HS6ST2: variants seen among roughly 807,000 people sequenced by gnomAD.
The protein encoded by HS6ST2 is heparan sulfate 6-O-sulfotransferase 2, also known as heparan-sulfate 6-O-sulfotransferase 2.
In HS6ST2, 17 loss-of-function variants were observed where a neutral mutation model predicts 33.0. The observed-to-expected ratio is 0.52, with a 90% CI of 0.35 to 0.77. The LOEUF is 0.77. HS6ST2 is among the 30% of genes least tolerant of loss of function. HS6ST2 has a pLI of 0.01. For synonymous variants in HS6ST2, 248 were observed against 237.1 expected (o/e 1.05, Z -0.42); for missense variants, 519 against 551.7 (o/e 0.94, Z 0.59).
chrX:132,653,857 C>T (rs1315789675), intron 4 of HS6ST2, among the ~76,000 whole-genome samples: 2 of 111,589 alleles, frequency 1.8e-5, no homozygotes, highest in Admixed American at 1.9e-4. Context: ...TTTCAACAGA[C>T]ACTGCAGCAG....
rs762100928 is a variant in HS6ST2 at position 132,956,174 on chromosome X, G to GATAAAAGTTTTATCACCAGA, written c.947+633_947+634insTCTGGTGATAAAACTTTTAT. On this transcript the variant is annotated intron_variant, in intron 2 of 4. Coordinates refer to ENST00000370833, the MANE Select transcript of HS6ST2 (RefSeq NM_001394073.1). ...GAAGACCAGAGCCAGAGCGGGGAAG[G>GATAAAAGTTTTATCACCAGA]AGCGAGGTGATAAAAGTCCGGCAAG... is the stretch of plus-strand genomic sequence containing the variant. 1.7e-3 allele frequency among the ~76,000 whole-genome samples: 192 copies of GATAAAAGTTTTATCACCAGA among 111,962 alleles called. 2 individuals carry two copies. Among genetic ancestry groups the GATAAAAGTTTTATCACCAGA allele is most frequent in the African/African-American group, 5.9e-3 (181 of 30,798 alleles).
chrX:132,675,140 C>T (rs960351376), intron 3 of HS6ST2, among the ~76,000 whole-genome samples: 1 of 110,857 alleles, frequency 9.0e-6, no homozygotes, highest in Non-Finnish European at 1.9e-5. Flanking sequence ...ATGACGGATT[C>T]AGTTTGGGGC....
At chrX:132,830,875 C>T (rs929493661) in intron 2 of HS6ST2, among the ~76,000 whole-genome samples, 4 of 111,647 alleles carry the variant, frequency 3.6e-5, no homozygotes, top group African/African-American at 1.3e-4. Context: ...GCAGGAATTC[C>T]CAGTGCCTTT....
At chrX:132,902,199 T>G (rs771268372) in intron 2 of HS6ST2, among the ~76,000 whole-genome samples, 602 of 108,948 alleles carry the variant, frequency 5.5e-3, no homozygotes, top group Middle Eastern at 0.019. Context: ...CCTCCTGGGC[T>G]CAAGCAATCC....
At chrX:132,678,744 T>C (rs147211009) in intron 3 of HS6ST2, among the ~76,000 whole-genome samples, 1,348 of 112,465 alleles carry the variant, frequency 0.012, 22 homozygotes, top group African/African-American at 0.04. Context: ...ATTTGGAAAA[T>C]TGAGCATTAT....
At chrX:132,745,988 C>T (rs915309544) in intron 2 of HS6ST2, among the ~76,000 whole-genome samples, 5 of 111,827 alleles carry the variant, frequency 4.5e-5, no homozygotes, top group East Asian at 2.8e-4. Context: ...TGACAGACAA[C>T]GCTTCCTACA....
At chrX:132,722,397 A>G (rs1026212929) in intron 2 of HS6ST2, among the ~76,000 whole-genome samples, 7 of 111,619 alleles carry the variant, frequency 6.3e-5, no homozygotes, top group African/African-American at 2.3e-4. Flanking sequence ...GGGGTTTTTA[A>G]GGACAGTTAA....
intron 2 of HS6ST2, among the ~76,000 whole-genome samples, chrX:132,785,260 T>C (rs2065051271): frequency 8.9e-6 from 1 of 112,073 alleles, no homozygotes; most frequent in South Asian, 3.8e-4. Context: ...GCTTTCAACA[T>C]ACCCCCAGAG....
At chrX:132,863,989 C>A (rs2065941035) in intron 2 of HS6ST2, among the ~76,000 whole-genome samples, 1 of 111,355 alleles carries the variant, frequency 9.0e-6, no homozygotes, top group Non-Finnish European at 1.9e-5. Context: ...CAAACTCCAG[C>A]AGGCCTGCAG....
At chrX:132,672,545 C>T (rs1196774502) in intron 3 of HS6ST2, among the ~76,000 whole-genome samples, 1 of 111,364 alleles carries the variant, frequency 9.0e-6, no homozygotes, top group East Asian at 2.8e-4. Flanking sequence ...AGCTGCTTTC[C>T]TCTCTCTAGT....
chrX:132,664,506 A>G lies in HS6ST2; in HGVS notation c.1067+4607T>C, dbSNP rs751864633. On this transcript the variant is annotated intron_variant, in intron 4 of 4. Coordinates refer to ENST00000370833, the MANE Select transcript of HS6ST2 (RefSeq NM_001394073.1). ...GGTTAGAGCCGGTCTTACCAGAGTCAGCTCCAAGTAGATTTGTGGAGTAAG... is the reference window on the plus strand; with the variant it reads ...GGTTAGAGCCGGTCTTACCAGAGTCGGCTCCAAGTAGATTTGTGGAGTAAG... 1.0e-3 allele frequency among the ~76,000 whole-genome samples: 115 copies of G among 112,058 alleles called. 1 individual carries two copies. The highest frequency in any genetic ancestry group is 2.0e-3 in the Non-Finnish European group (105 of 53,211).
intron 3 of HS6ST2, among the ~76,000 whole-genome samples, chrX:132,676,606 T>C (rs891187326): frequency 1.8e-5 from 2 of 112,264 alleles, no homozygotes; most frequent in African/African-American, 6.5e-5. Context: ...AGTGGGCTCA[T>C]AGACTTAATC....
intron 2 of HS6ST2, among the ~76,000 whole-genome samples, chrX:132,878,029 G>A (rs1309682063): frequency 3.6e-5 from 4 of 111,438 alleles, no homozygotes; most frequent in South Asian, 3.8e-4. Context: ...AAACCTCCTC[G>A]GGCAAGATGT....
intron 3 of HS6ST2, among the ~76,000 whole-genome samples, chrX:132,674,232 C>T (rs1569479812): frequency 9.0e-6 from 1 of 111,697 alleles, no homozygotes; most frequent in Non-Finnish European, 1.9e-5. Flanking sequence ...ATTTTTATTG[C>T]TATGAAGCCC....
At chrX:132,830,253 C>A (rs1178851475) in intron 2 of HS6ST2, among the ~76,000 whole-genome samples, 2 of 111,848 alleles carry the variant, frequency 1.8e-5, no homozygotes, top group Non-Finnish European at 3.8e-5. Flanking sequence ...TTCCAGAGTG[C>A]TTTTACATAC....
chrX:132,672,958 T>C (rs2148209865), intron 3 of HS6ST2, among the ~76,000 whole-genome samples: 1 of 112,004 alleles, frequency 8.9e-6, no homozygotes, highest in South Asian at 3.8e-4. Context: ...ACTCACTTTT[T>C]TGATGGGTGG....
chrX:132,926,602 T>C (rs758830236), intron 2 of HS6ST2, among the ~76,000 whole-genome samples: 4 of 112,244 alleles, frequency 3.6e-5, no homozygotes, highest in Admixed American at 9.4e-5. Flanking sequence ...TTATTTTAAG[T>C]GAGATAAATG....
chrX:132,749,942 G>A (rs1199526875), intron 2 of HS6ST2, among the ~76,000 whole-genome samples: 2 of 111,454 alleles, frequency 1.8e-5, no homozygotes, highest in African/African-American at 6.5e-5. Context: ...CAATAGGAAA[G>A]GGCTTTGAAA....
At chrX:132,828,729 CACACACACAT>C (rs2065555058) in intron 2 of HS6ST2, among the ~76,000 whole-genome samples, 2 of 91,811 alleles carry the variant, frequency 2.2e-5, no homozygotes, top group African/African-American at 4.2e-5. Context: ...CACACACACA[CACACACACAT>C]ACACACACAA....
Sources: gnomAD v4.1 joint callset for allele counts (sites outside exome capture counted in the v4.1 genomes callset) on GRCh38, gnomAD v4.1.1 for gene constraint, MANE v1.5 for transcripts, NCBI Gene and HGNC (gene_info 2026-07-23, HGNC 2026-07-21) for gene names.